Variants in RANBP2 observed in about 807,000 individuals in gnomAD.
RANBP2 encodes the protein RAN binding protein 2.
RANBP2 carries 57 observed loss-of-function variants against 303.6 expected under a neutral mutation model. The observed-to-expected ratio is 0.19, with a 90% CI of 0.15 to 0.23. The LOEUF is 0.23. RANBP2 is among the 10% of genes least tolerant of loss of function. The pLI is 1.00. For missense variants in RANBP2, 3,138 were observed against 3,780.8 expected, an observed-to-expected ratio of 0.83 and a Z score of 4.46; for synonymous variants, 1,167 against 1,301.5, an observed-to-expected ratio of 0.90 and a Z score of 2.23.
chr2:108,791,456 T>C, the RANBP2 span: 2 of 533,348 alleles, frequency 3.7e-6, no homozygotes, highest in South Asian at 3.4e-5. Flanking sequence ...TTAAATTAAG[T>C]CTATTTAATG....
At chr2:109,157,696 C>T in the RANBP2 span, among the ~76,000 whole-genome samples, 1 of 152,174 alleles carries the variant, frequency 6.6e-6, no homozygotes, top group Non-Finnish European at 1.5e-5. Context: ...CCTGTTTTAT[C>T]ACCTACAATT....
the RANBP2 span, among the ~76,000 whole-genome samples, chr2:108,955,164 T>C: frequency 2.8e-4 from 42 of 152,288 alleles, no homozygotes; most frequent in Non-Finnish European, 4.4e-4. Context: ...TATGCAACTT[T>C]GGGCAAGTAA....
At chr2:108,794,548 CCAACTAATACGACCTCAT>C in the RANBP2 span, 1 of 1,592,266 alleles carries the variant, frequency 6.3e-7, no homozygotes, top group Non-Finnish European at 8.6e-7. Context: ...AGTTGCCTTG[CCAACTAATACGACCTCAT>C]CGAGACCTCG....
At chr2:109,028,682 C>A in the RANBP2 span, among the ~76,000 whole-genome samples, 9 of 152,200 alleles carry the variant, frequency 5.9e-5, no homozygotes, top group Admixed American at 5.9e-4. Flanking sequence ...GACATGCACC[C>A]AAATGAGTAG....
At chr2:109,556,480 A>G in the RANBP2 span, among the ~76,000 whole-genome samples, 5 of 152,338 alleles carry the variant, frequency 3.3e-5, no homozygotes, top group East Asian at 9.7e-4. Flanking sequence ...CAAGGCTGAG[A>G]GGTGAGTTTG....
the RANBP2 span, among the ~76,000 whole-genome samples, chr2:109,211,648 C>CTTTTTTTT: frequency 7.0e-6 from 1 of 142,580 alleles, no homozygotes; most frequent in Non-Finnish European, 1.5e-5. Context: ...GCATTTCTTT[C>CTTTTTTTT]TTTTTTTTTT....
At chr2:108,843,959 C>T in the RANBP2 span, among the ~76,000 whole-genome samples, 5 of 140,860 alleles carry the variant, frequency 3.5e-5, no homozygotes, top group South Asian at 1.2e-3. Context: ...GGCACAATCA[C>T]GGCTCACTGC....
At chr2:109,616,012 C>G in the RANBP2 span, 1 of 1,527,242 alleles carries the variant, frequency 6.5e-7, no homozygotes, top group Non-Finnish European at 8.8e-7. Context: ...GAGGAACGAC[C>G]TGTTAAAGGC....
the RANBP2 span, among the ~76,000 whole-genome samples, chr2:109,178,001 AC>A: frequency 2.6e-5 from 4 of 152,200 alleles, no homozygotes; most frequent in Non-Finnish European, 4.4e-5. Context: ...TTAGACCTAA[AC>A]AAAGGGCCTA....
At chr2:108,883,874 G>A in the RANBP2 span, 1 of 152,304 alleles carries the variant, frequency 6.6e-6, no homozygotes, top group African/African-American at 2.4e-5. Flanking sequence ...TTTCTTTCAG[G>A]AGCAGGACTG....
At chr2:109,117,865 C>T in the RANBP2 span, among the ~76,000 whole-genome samples, 1 of 152,204 alleles carries the variant, frequency 6.6e-6, no homozygotes, top group African/African-American at 2.4e-5. Context: ...CCACACTCAT[C>T]AGAAAGTGGA....
chr2:109,151,490 C>T, the RANBP2 span, among the ~76,000 whole-genome samples: 3 of 152,180 alleles, frequency 2.0e-5, no homozygotes, highest in South Asian at 4.1e-4. Flanking sequence ...CTGGTAGCCA[C>T]GTCACAAATG....
the RANBP2 span, among the ~76,000 whole-genome samples, chr2:109,631,618 T>C: frequency 6.6e-6 from 1 of 151,882 alleles, no homozygotes; most frequent in East Asian, 1.9e-4. Flanking sequence ...TAGTAGGGCG[T>C]GATGGCGGGC....
At chr2:109,622,732 A>G in the RANBP2 span, among the ~76,000 whole-genome samples, 1 of 152,182 alleles carries the variant, frequency 6.6e-6, no homozygotes, top group Non-Finnish European at 1.5e-5. Context: ...ACTTCCACAT[A>G]ATCATGAGAT....
the RANBP2 span, among the ~76,000 whole-genome samples, chr2:108,858,984 G>C: frequency 6.6e-6 from 1 of 152,168 alleles, no homozygotes; most frequent in Non-Finnish European, 1.5e-5. Flanking sequence ...CAATAAGCAT[G>C]AGAGTGCAGG....
At chr2:109,680,635 C>T in the RANBP2 span, among the ~76,000 whole-genome samples, 2 of 152,188 alleles carry the variant, frequency 1.3e-5, no homozygotes, top group Non-Finnish European at 2.9e-5. Context: ...CACCTGTTTT[C>T]CCCTGGCGCT....
At chr2:109,129,519 G>T in the RANBP2 span, 1 of 1,496,380 alleles carries the variant, frequency 6.7e-7, no homozygotes, top group South Asian at 1.2e-5. Flanking sequence ...AGCCGCGCGA[G>T]ACCGCTGCGG....
At chr2:109,161,457 A>AG in the RANBP2 span, among the ~76,000 whole-genome samples, 3 of 152,002 alleles carry the variant, frequency 2.0e-5, no homozygotes, top group Admixed American at 1.3e-4. Context: ...CTTCCCCTGT[A>AG]CACCCTCCCT....
intron 21 of RANBP2, 143 bp from the exon 22 acceptor site, chr2:108,772,346 A>G: frequency 1.6e-6 from 1 of 632,356 alleles, no homozygotes. Context: ...CTAAAGCTCT[A>G]GCAGAAAGAG....
Sources: gnomAD v4.1 joint callset for allele counts (sites outside exome capture counted in the v4.1 genomes callset) on GRCh38, gnomAD v4.1.1 for gene constraint, MANE v1.5 for transcripts, NCBI Gene and HGNC (gene_info 2026-07-23, HGNC 2026-07-21) for gene names.